Variants in PCDHA10 observed in about 807,000 individuals in gnomAD.
PCDHA10 encodes protocadherin alpha-10.
PCDHA10 carries 45 observed loss-of-function variants against 61.2 expected under a neutral mutation model. The observed-to-expected ratio is 0.74, with a 90% CI of 0.58 to 0.94. The LOEUF (loss-of-function observed/expected upper bound fraction) is 0.94. PCDHA10 is among the 40% of genes least tolerant of loss of function. The probability of loss-of-function intolerance (pLI) is 0.00; values close to 1 mark genes in which losing one functional copy is unlikely to be tolerated. For missense variants in PCDHA10, 1,278 were observed against 1,236.2 expected, an observed-to-expected ratio of 1.03 and a Z score of -0.51; for synonymous variants, 602 against 548.8, an observed-to-expected ratio of 1.10 and a Z score of -1.35.
chr5:140,869,810 A>T lies in PCDHA10; in HGVS notation c.2388+11374A>T, dbSNP rs2051437780. On this transcript the variant is annotated intron_variant, in intron 1 of 3. Transcript: ENST00000307360. ...CTGTTAGTCCAAGTCTTGGATGTCA[A>T]CGACAATGATCCAGAGTTTGATAAA... The T allele has an allele frequency of 6.2e-7, 1 of 1,612,624 alleles. No individual in the cohort carries two copies.
chr5:140,996,365 T>C (rs1017086317), intron 3 of PCDHA10, among the ~76,000 whole-genome samples: 4 of 152,196 alleles, frequency 2.6e-5, no homozygotes, highest in African/African-American at 9.7e-5. Context: ...GAAGCCATTT[T>C]GTTGTCGGCT....
intron 3 of PCDHA10, among the ~76,000 whole-genome samples, chr5:140,988,398 C>A (rs531157517): frequency 1.3e-5 from 2 of 152,238 alleles, no homozygotes; most frequent in Non-Finnish European, 2.9e-5. Context: ...TGCCAGAGTT[C>A]TCTTCGCAGC....
At chr5:140,925,906 G>A (rs1181128933) in intron 1 of PCDHA10, among the ~76,000 whole-genome samples, 1 of 151,830 alleles carries the variant, frequency 6.6e-6, no homozygotes, top group Non-Finnish European at 1.5e-5. Context: ...ATCGTCAAGG[G>A]CCGTTTGCAA....
chr5:140,966,732 G>T (rs2153748727), intron 1 of PCDHA10: 1 of 1,415,600 alleles, frequency 7.1e-7, no homozygotes, highest in African/African-American at 1.5e-5. Context: ...GCCGCCTCCG[G>T]CCCTGCCCGG....
intron 1 of PCDHA10, among the ~76,000 whole-genome samples, chr5:140,922,507 C>G (rs2080870221): frequency 1.3e-5 from 2 of 152,154 alleles, no homozygotes; most frequent in Non-Finnish European, 2.9e-5. Flanking sequence ...AGCAGATGCA[C>G]CATTATTTCA....
At chr5:140,862,433 G>A (rs781821294) in intron 1 of PCDHA10, 31 of 354,884 alleles carry the variant, frequency 8.7e-5, no homozygotes, top group Admixed American at 2.6e-4. Context: ...GAAACTATTC[G>A]TTGGTACTCC....
intron 2 of PCDHA10, among the ~76,000 whole-genome samples, chr5:140,981,925 T>C (rs2096957903): frequency 1.3e-5 from 2 of 152,160 alleles, no homozygotes; most frequent in South Asian, 2.1e-4. Flanking sequence ...CAAGTTTCTC[T>C]AGTCTCAGGA....
At chr5:141,002,357 C>G (rs2098075744) in intron 3 of PCDHA10, among the ~76,000 whole-genome samples, 2 of 152,246 alleles carry the variant, frequency 1.3e-5, no homozygotes, top group Admixed American at 6.5e-5. Flanking sequence ...ACCTCCACTC[C>G]TTTCAACTCA....
chr5:140,906,050 G>T (rs560570961), intron 1 of PCDHA10, among the ~76,000 whole-genome samples: 2 of 152,268 alleles, frequency 1.3e-5, no homozygotes, highest in African/African-American at 4.8e-5. Flanking sequence ...TATTCTGGCT[G>T]CACTGGCAGC....
chr5:140,988,528 T>C (rs1391489747), intron 3 of PCDHA10, among the ~76,000 whole-genome samples: 1 of 152,194 alleles, frequency 6.6e-6, no homozygotes, highest in African/African-American at 2.4e-5. Flanking sequence ...CTCTGCTGGC[T>C]CCATCCATTC....
intron 1 of PCDHA10, among the ~76,000 whole-genome samples, chr5:140,906,410 A>T (rs1454575995): frequency 6.6e-6 from 1 of 152,246 alleles, no homozygotes; most frequent in Non-Finnish European, 1.5e-5. Flanking sequence ...ATATGAAGTC[A>T]ATAAATCTTA....
intron 3 of PCDHA10, 102 bp downstream of exon 3, chr5:140,982,665 A>G (rs1318068299): frequency 2.0e-6 from 3 of 1,465,204 alleles, no homozygotes; most frequent in Middle Eastern, 2.1e-4. Context: ...TTTCTTTTAT[A>G]TTTTTGTTAT....
chr5:140,883,712 G>A lies in PCDHA10; in HGVS notation c.2388+25276G>A, dbSNP rs372048294. On this transcript the variant is annotated intron_variant, in intron 1 of 3. Transcript: ENST00000307360. ...CATCTTCACGGTGTCTGCTCAGGAC[G>A]CGGACGCACAGGAGAACGCGCTGGT... 1.6e-5 allele frequency: 26 copies of A among 1,613,658 alleles called. No homozygotes were observed. The highest frequency in any genetic ancestry group is 2.2e-5 in the East Asian group (1 of 44,880).
At chr5:140,859,820 A>T (rs571266771) in intron 1 of PCDHA10, 10 of 152,434 alleles carry the variant, frequency 6.6e-5, no homozygotes, top group African/African-American at 2.2e-4. Context: ...TGCAGAGTTT[A>T]GAAGTGTATT....
In PCDHA10 at chr5:140,856,890, G is replaced by A. The variant is rs782469336; in HGVS notation, c.842G>A (p.Ser281Asn). Residue 281 changes from serine to asparagine, a missense_variant, in exon 1 of 4, where the codon AGC becomes AAC. By Grantham distance (46) the Ser-to-Asn change is conservative (BLOSUM62 1). Transcript: ENST00000307360. ...GINKEMMYSF[S>N]SLVPPTIRRK... is the part of the protein sequence containing the mutation. ...AACAAGGAAATGATGTATTCATTTA[G>A]CTCTTTGGTCCCACCCACGATAAGA... 2.1e-5 allele frequency: 34 copies of A among 1,596,056 alleles called. 3 individuals carry two copies. The highest frequency in any genetic ancestry group is 2.9e-5 in the Non-Finnish European group (34 of 1,165,980).
intron 1 of PCDHA10, chr5:140,876,441 T>C (rs1582281358): frequency 6.2e-7 from 1 of 1,613,992 alleles, no homozygotes; most frequent in East Asian, 2.2e-5. Flanking sequence ...TTAACGCCAT[T>C]GATAAAGGGA....
chr5:140,977,245 AC>A (rs2096751811), intron 1 of PCDHA10, among the ~76,000 whole-genome samples: 1 of 152,212 alleles, frequency 6.6e-6, no homozygotes, highest in Non-Finnish European at 1.5e-5. Context: ...AAAATTGGCA[AC>A]ATTTCTCAGC....
chr5:140,926,762 C>A (rs1186997274), intron 1 of PCDHA10: 5 of 1,326,554 alleles, frequency 3.8e-6, no homozygotes, highest in East Asian at 2.8e-5. Context: ...CGCTGAGTAT[C>A]CAGCCCGCAG....
chr5:140,882,882 T>C (rs1554175954), intron 1 of PCDHA10: 2 of 1,614,206 alleles, frequency 1.2e-6, no homozygotes, highest in Non-Finnish European at 1.7e-6. Context: ...AGAGAGGAAA[T>C]TCAGGAACAT....
Sources: allele counts gnomAD v4.1 joint callset (sites outside exome capture counted in the v4.1 genomes callset), GRCh38; gene constraint gnomAD v4.1.1; transcripts MANE v1.5; gene names NCBI Gene and HGNC (gene_info 2026-07-23, HGNC 2026-07-21).